Variants in PHF13 observed in about 807,000 individuals in gnomAD.
The protein encoded by PHF13 is PHD finger protein 13.
In PHF13, 1 loss-of-function variant was observed where a neutral mutation model predicts 25.8. The ratio of observed to expected loss-of-function variants is 0.04; its 90% CI spans 0.01 to 0.18. PHF13 has a LOEUF of 0.18. Among genes scored for constraint, PHF13 ranks in the 10% least tolerant of loss-of-function variants. PHF13 has a pLI of 1.00. For missense variants in PHF13, 306 were observed against 403.2 expected (o/e 0.76, Z 2.06); for synonymous variants, 195 against 162.4 (o/e 1.20, Z -1.53).
chr1:6,621,716 A>G lies in PHF13; in HGVS notation c.*79A>G. ...TTTTGCCCTTCTCTTAGTTGAGCACAGAACCCTCAGCTCTGGTGCGGGCAG... is the reference window on the plus strand; with the variant it reads ...TTTTGCCCTTCTCTTAGTTGAGCACGGAACCCTCAGCTCTGGTGCGGGCAG... On this transcript the variant is annotated 3_prime_UTR_variant, in exon 4 of 4. Transcript: ENST00000377648. The surrounding 1 kb of genome is among the most constrained non-coding windows in gnomAD (Gnocchi z 4.8). The G allele has an allele frequency of 2.9e-6, 4 of 1,400,386 alleles. No individual in the cohort carries two copies. The highest frequency in any genetic ancestry group is 1.2e-5 in the South Asian group (1 of 84,798). The allele number at this position is 1,400,386 out of a possible 1,614,324, so 86.7% of individuals were successfully genotyped here.
chr1:6,619,352 G>GTT (rs1468219513), intron 2 of PHF13, among the ~76,000 whole-genome samples: 2 of 144,614 alleles, frequency 1.4e-5, no homozygotes, highest in Admixed American at 6.9e-5. Flanking sequence ...ATGGCACTGG[G>GTT]TTTTTTTTTT....
At chr1:6,614,861 G>A (rs1641234715) in intron 1 of PHF13, among the ~76,000 whole-genome samples, 1 of 151,188 alleles carries the variant, frequency 6.6e-6, no homozygotes, top group South Asian at 2.1e-4. Flanking sequence ...CCCCCCAGCC[G>A]AGGCTCGTTG....
At position 6,614,382 on chromosome 1, in the gene PHF13, C is replaced by T. The variant is rs1006362854; in HGVS notation, c.39+277C>T. ...CGCCTATTTCTCTCCCCCGGGCCGC[C>T]CCTCTCCGGCCTCGCGTCGACCTGG... On this transcript the variant is annotated intron_variant, in intron 1 of 3. Coordinates refer to ENST00000377648, the MANE Select transcript of PHF13 (RefSeq NM_153812.3). 7.4e-5 allele frequency: 33 copies of T among 446,908 alleles called. 1 individual carries two copies. Among genetic ancestry groups the T allele is most frequent in the Middle Eastern group, 1.2e-3 (2 of 1,644 alleles). The allele number at this position is 446,908 out of a possible 1,614,324, so 27.7% of individuals were successfully genotyped here.
In PHF13 at chr1:6,613,762, G is replaced by A. The variant is rs1326818053; in HGVS notation, c.-305G>A. ...CCTCCCGAGACACGAGCCGAACTGG[G>A]CGTCAGGTCGGGGAGCCGGTCGGGT... On this transcript the variant is annotated 5_prime_UTR_variant, in exon 1 of 4. Coordinates refer to ENST00000377648, the MANE Select transcript of PHF13 (RefSeq NM_153812.3). The A allele has an allele frequency of 3.5e-6, 1 of 282,856 alleles. No individual in the cohort carries two copies. Among genetic ancestry groups the A allele is most frequent in the South Asian group, 4.6e-5 (1 of 21,894 alleles). The allele number at this position is 282,856 out of a possible 1,614,324, so 17.5% of individuals were successfully genotyped here.
intron 2 of PHF13, among the ~76,000 whole-genome samples, chr1:6,617,725 G>C (rs1188560697): frequency 6.6e-6 from 1 of 152,172 alleles, no homozygotes; most frequent in Non-Finnish European, 1.5e-5. Context: ...CACTGCACCT[G>C]GCTGTCTGCT....
In PHF13 at chr1:6,620,116, C is replaced by A; in HGVS notation, c.455C>A (p.Pro152His). The A allele has an allele frequency of 6.2e-7, 1 of 1,613,612 alleles. No individual in the cohort carries two copies. Residue 152 changes from proline (P) to histidine (H), a missense_variant, in exon 3 of 4, where the codon CCC (proline) becomes CAC (histidine). By Grantham distance (77) the Pro-to-His change is moderately conservative. Around this residue, in one of 5 missense-constraint regions of PHF13, gnomAD observed 186 missense variants for 164.0 expected, o/e 1.13. Coordinates refer to ENST00000377648, the MANE Select transcript of PHF13 (RefSeq NM_153812.3). ...GCCGCTGACCCCTACGTGGAGACCC[C>A]CACGAGTCCCACCTTGCAGGATATC... The part of the protein sequence containing the change: ...LEAADPYVET[P>H]TSPTLQDIPQ...
intron 2 of PHF13, among the ~76,000 whole-genome samples, chr1:6,618,175 C>T (rs1641288558): frequency 1.3e-5 from 2 of 152,136 alleles, no homozygotes. Flanking sequence ...TGCTCTGTTG[C>T]CCAGGCTGGA....
Position 6,620,068 on chromosome 1 carries a change from G to A in PHF13, c.407G>A (p.Arg136Lys). Residue 136 changes from arginine (R) to lysine (K), a missense_variant, in exon 3 of 4, where the codon AGG becomes AAG. By Grantham distance (26) the Arg-to-Lys change is conservative (BLOSUM62 2). This residue lies in a region of PHF13 where 186 missense variants were observed against 164.0 expected (regional missense o/e 1.13). Transcript: ENST00000377648. ...GATGCGCCTGGGAAAGAGGGGTACA[G>A]GGGGGGCTTGCTGAAGCTGGAAGCC... is the stretch of plus-strand genomic sequence containing the variant. ...DSDAPGKEGY[R>K]GGLLKLEAAD... 1 of 1,613,442 alleles carries A rather than the reference G, an allele frequency of 6.2e-7. No individual in the cohort carries two copies. Among genetic ancestry groups the A allele is most frequent in the Non-Finnish European group, 8.5e-7 (1 of 1,179,994 alleles).
intron 2 of PHF13, 119 bp from the exon 3 acceptor site, chr1:6,619,684 G>C: frequency 1.9e-6 from 2 of 1,053,066 alleles, no homozygotes; most frequent in Non-Finnish European, 2.8e-6. Flanking sequence ...GATGGGCAGA[G>C]AAGCTCAAAG....
intron 2 of PHF13, among the ~76,000 whole-genome samples, chr1:6,617,550 G>C (rs1018917266): frequency 6.6e-6 from 1 of 151,952 alleles, no homozygotes; most frequent in African/African-American, 2.4e-5. Flanking sequence ...CGATTCTCCT[G>C]TCTCAGCCTC....
rs777646341 is a variant in PHF13, at chr1:6,620,304, A to G, written c.643A>G (p.Thr215Ala). The G allele has an allele frequency of 6.8e-6, 11 of 1,613,530 alleles. No homozygotes were observed. The highest frequency in any genetic ancestry group is 9.3e-6 in the Non-Finnish European group (11 of 1,179,886). The change falls in exon 3 of 4, where the codon ACT becomes GCT. Residue 215 changes from threonine (T) to alanine (A), a missense_variant. Coordinates refer to ENST00000377648, the MANE Select transcript of PHF13 (RefSeq NM_153812.3). The part of the protein sequence containing the change: ...KQVVFRDEDS[T>A]GNDEDIMVDS... The stretch of plus-strand genomic sequence containing the variant: ...GGTGGTGTTCCGAGATGAGGACAGC[A>G]CTGGCAATGATGAGGACATCATGGT...
Position 6,621,140 on chromosome 1 carries a change from G to A in PHF13, c.677-271G>A, listed in dbSNP as rs1641332936. ...TTGACTGCAGGAGTTTGAGGCTGCA[G>A]TGAGGTATGATTGCACCACTGCACT... On this transcript the variant is annotated intron_variant, in intron 3 of 3. Transcript: ENST00000377648. The surrounding 1 kb of genome is among the most constrained non-coding windows in gnomAD (Gnocchi z 4.8). Among the ~76,000 whole-genome samples the A allele has an allele frequency of 1.3e-5, 2 of 151,828 alleles. No individual in the cohort carries two copies. Among genetic ancestry groups the A allele is most frequent in the South Asian group, 4.1e-4 (2 of 4,826 alleles).
intron 1 of PHF13, among the ~76,000 whole-genome samples, chr1:6,615,138 C>T (rs1338756451): frequency 7.3e-6 from 1 of 136,644 alleles, no homozygotes; most frequent in Admixed American, 7.1e-5. Flanking sequence ...GCCGGGGGGG[C>T]GGGCGGCGTG....
chr1:6,615,132 G>A (rs970551881), intron 1 of PHF13, among the ~76,000 whole-genome samples: 4 of 151,598 alleles, frequency 2.6e-5, no homozygotes, highest in African/African-American at 4.8e-5. Context: ...GAGGCGGCCG[G>A]GGGGGCGGGC....
At position 6,621,390 on chromosome 1, in the gene PHF13, T is replaced by G; in HGVS notation, c.677-21T>G. The G allele has an allele frequency of 5.7e-4, 923 of 1,606,322 alleles. No homozygotes were observed. The highest frequency in any genetic ancestry group is 7.2e-4 in the Non-Finnish European group (841 of 1,172,986). On this transcript the variant is annotated intron_variant, in intron 3 of 3. Coordinates refer to ENST00000377648, the MANE Select transcript of PHF13 (RefSeq NM_153812.3). The surrounding 1 kb of genome is among the most constrained non-coding windows in gnomAD (Gnocchi z 4.8). ...ATGATGGGAATTTCTCTTCCCTCCT[T>G]GAGAGTATCTTTCCTTCCAGATGAC... is the stretch of plus-strand genomic sequence containing the variant.
intron 3 of PHF13, among the ~76,000 whole-genome samples, chr1:6,620,863 CAA>C (rs761571305): frequency 7.3e-6 from 1 of 137,750 alleles, no homozygotes. Context: ...ACTAAAGATA[CAA>C]AAAAAAAAAA....
At chr1:6,620,635 C>T (rs545830856) in intron 3 of PHF13, among the ~76,000 whole-genome samples, 26 of 152,300 alleles carry the variant, frequency 1.7e-4, no homozygotes, top group Admixed American at 5.2e-4. Flanking sequence ...CCAGTAATCC[C>T]GGCACTTTGG....
intron 2 of PHF13, among the ~76,000 whole-genome samples, chr1:6,619,422 A>G (rs551926969): frequency 2.0e-5 from 3 of 151,248 alleles, no homozygotes; most frequent in African/African-American, 7.3e-5. Flanking sequence ...TCACTGCAAC[A>G]TTTGCCTCCC....
At chr1:6,616,692 T>A (rs1641266501) in intron 1 of PHF13, 65 bp from the exon 2 acceptor site, 8 of 1,398,524 alleles carry the variant, frequency 5.7e-6, no homozygotes, top group African/African-American at 1.4e-5. Context: ...TACTTCCTTT[T>A]GTTTCTGTGA....
Sources: allele counts gnomAD v4.1 joint callset (sites outside exome capture counted in the v4.1 genomes callset), GRCh38; gene constraint gnomAD v4.1.1; regional missense constraint gnomAD v4.1.1; non-coding constraint Gnocchi (gnomAD v3.1); transcripts MANE v1.5; gene names NCBI Gene and HGNC (gene_info 2026-07-23, HGNC 2026-07-21).